The following DNAJC27 variants were observed in gnomAD, a reference collection of about 807,000 sequenced individuals.
DNAJC27 encodes the protein dnaJ homolog subfamily C member 27.
In DNAJC27, 25 loss-of-function variants were observed where a neutral mutation model predicts 31.4. The observed-to-expected ratio is 0.80, with a 90% CI of 0.58 to 1.11. The LOEUF (loss-of-function observed/expected upper bound fraction) is 1.11, where lower values mean the gene tolerates loss of function less well. Ranked by LOEUF, DNAJC27 falls within the 50% of genes most tolerant of loss-of-function variation. The pLI is 0.00. For missense variants in DNAJC27, 356 were observed against 347.3 expected, an observed-to-expected ratio of 1.02 and a Z score of -0.20; for synonymous variants, 106 against 112.7, an observed-to-expected ratio of 0.94 and a Z score of 0.37.
At chr2:24,965,782 G>A (rs187804328) in intron 2 of DNAJC27, among the ~76,000 whole-genome samples, 4 of 152,192 alleles carry the variant, frequency 2.6e-5, no homozygotes, top group East Asian at 1.9e-4. Flanking sequence ...TCACCTAATC[G>A]ACATTCTGCT....
At chr2:24,955,507 A>G (rs954477772) in intron 5 of DNAJC27, among the ~76,000 whole-genome samples, 3 of 152,236 alleles carry the variant, frequency 2.0e-5, no homozygotes, top group Admixed American at 1.3e-4. Flanking sequence ...AAATAATAGT[A>G]AAACAAAAAC....
rs148254267 is a variant in DNAJC27 at position 24,946,918 on chromosome 2, G to A, written c.*698C>T. ...GGCAAGGGAAAGGCCTCAGATCCAG[G>A]GACAGGATAGGCAGCAGCCAGTGTA... is the stretch of plus-strand genomic sequence containing the variant. On this transcript the variant is annotated 3_prime_UTR_variant, in exon 7 of 7. Transcript: ENST00000264711. 159 of 152,326 alleles carry A rather than the reference G, an allele frequency of 1.0e-3. 1 individual carries two copies. Among genetic ancestry groups the A allele is most frequent in the African/African-American group, 3.6e-3 (148 of 41,558 alleles). The allele number at this position is 152,326 out of a possible 1,614,324, so 9.4% of individuals were successfully genotyped here.
At chr2:24,952,925 TTTTC>T (rs1439627121) in intron 5 of DNAJC27, among the ~76,000 whole-genome samples, 1 of 152,174 alleles carries the variant, frequency 6.6e-6, no homozygotes, top group Non-Finnish European at 1.5e-5. Flanking sequence ...TTACAATTTT[TTTTC>T]TTTTTTTTGA....
In DNAJC27 at chr2:24,967,264, T is replaced by A. The variant is rs768303917; in HGVS notation, c.117A>T (p.Lys39Asn). The change falls in exon 2 of 7, where the codon AAA becomes AAT. Residue 39 changes from lysine (K) to asparagine (N), a missense_variant. Transcript: ENST00000264711. ...TTGCCAGGTATTTAGACACGAATCT[T>A]TTCTCACAGTATCGCTTTATAATAC... is the stretch of plus-strand genomic sequence containing the variant. ...KSCIIKRYCE[K>N]RFVSKYLATI... 4 of 1,613,724 alleles carry A rather than the reference T, an allele frequency of 2.5e-6. No homozygotes were observed. The South Asian group carries it at 4.4e-5, about 18-fold the overall frequency.
chr2:24,948,763 C>T (rs1039405214), intron 6 of DNAJC27, among the ~76,000 whole-genome samples: 6 of 152,172 alleles, frequency 3.9e-5, no homozygotes, highest in African/African-American at 1.4e-4. Context: ...TGTCAGGCCT[C>T]CCAGAGGGCT....
chr2:24,964,332 G>C (rs1666124070), intron 2 of DNAJC27, among the ~76,000 whole-genome samples: 1 of 150,350 alleles, frequency 6.7e-6, no homozygotes, highest in Non-Finnish European at 1.5e-5. Flanking sequence ...TGAGGCAGGA[G>C]AATGGCATGA....
rs765275307 is a variant in DNAJC27, at chr2:24,957,973, A to C, written c.242T>G (p.Val81Gly). Residue 81 changes from valine to glycine, a missense_variant and splice_region_variant, in exon 4 of 7, where the codon GTT (valine) becomes GGT (glycine). Transcript: ENST00000264711. ...TGTGTCCTTGTAAAACTCATTTCGA[A>C]CCTTCAAATAAAAGGACAGATACAC... ...DMAGHPFFYEVRNEFYKDTQG... is the reference protein window; with the variant it reads ...DMAGHPFFYEGRNEFYKDTQG... 2 of 1,609,640 alleles carry C rather than the reference A, an allele frequency of 1.2e-6. No individual in the cohort carries two copies. Among genetic ancestry groups the C allele is most frequent in the Non-Finnish European group, 1.7e-6 (2 of 1,177,998 alleles).
intron 3 of DNAJC27, 82 bp from the exon 4 acceptor site, chr2:24,958,056 G>T: frequency 1.5e-6 from 2 of 1,336,198 alleles, no homozygotes; most frequent in Non-Finnish European, 1.0e-6. Context: ...ACCTGGCAAA[G>T]TGTGTTCTTT....
chr2:24,960,258 C>T (rs937508232), intron 3 of DNAJC27, among the ~76,000 whole-genome samples: 2 of 152,054 alleles, frequency 1.3e-5, no homozygotes, highest in African/African-American at 2.4e-5. Context: ...TTTGGGATAC[C>T]ATGAACATAT....
At chr2:24,951,648 A>T in intron 5 of DNAJC27, 94 bp from the exon 6 acceptor site, 1 of 1,102,818 alleles carries the variant, frequency 9.1e-7, no homozygotes, top group South Asian at 1.9e-5. Context: ...AATATATTCC[A>T]GCAACTCTTA....
chr2:24,950,340 A>C (rs1665738558), intron 6 of DNAJC27, among the ~76,000 whole-genome samples: 1 of 152,128 alleles, frequency 6.6e-6, no homozygotes, highest in Admixed American at 6.5e-5. Context: ...CTTTTGTGAG[A>C]ATCAAGGTGA....
At chr2:24,947,830 T>C (rs1665683582) in intron 6 of DNAJC27, 82 bp from the exon 7 acceptor site, 1 of 1,455,332 alleles carries the variant, frequency 6.9e-7, no homozygotes, top group African/African-American at 1.4e-5. Context: ...ACACATAGTA[T>C]CTCTTACAGT....
At chr2:24,953,116 A>G (rs1665819897) in intron 5 of DNAJC27, among the ~76,000 whole-genome samples, 1 of 151,934 alleles carries the variant, frequency 6.6e-6, no homozygotes, top group Non-Finnish European at 1.5e-5. Context: ...TGTTCTGTGC[A>G]CTGTAATTAT....
intron 5 of DNAJC27, among the ~76,000 whole-genome samples, chr2:24,955,003 T>C (rs1237384512): frequency 3.9e-5 from 6 of 152,206 alleles, no homozygotes; most frequent in African/African-American, 1.2e-4. Flanking sequence ...TACAATGTGT[T>C]ATCCACAAGG....
At chr2:24,952,273 G>C (rs1199093435) in intron 5 of DNAJC27, among the ~76,000 whole-genome samples, 1 of 152,102 alleles carries the variant, frequency 6.6e-6, no homozygotes, top group Non-Finnish European at 1.5e-5. Flanking sequence ...CATCCTTCCA[G>C]AAAAATTTAC....
At chr2:24,959,087 A>C (rs1241326687) in intron 3 of DNAJC27, among the ~76,000 whole-genome samples, 1 of 152,162 alleles carries the variant, frequency 6.6e-6, no homozygotes, top group East Asian at 1.9e-4. Flanking sequence ...AATCAGAAAG[A>C]ACTGAAGATG....
chr2:24,962,897 G>T (rs1381152732), intron 3 of DNAJC27, among the ~76,000 whole-genome samples: 3 of 152,110 alleles, frequency 2.0e-5, no homozygotes, highest in African/African-American at 7.2e-5. Context: ...AAAGCCCAAG[G>T]AAGGAAAAAC....
Position 24,947,388 on chromosome 2 carries a change from T to C in DNAJC27, c.*228A>G. The C allele has an allele frequency of 2.4e-6, 1 of 424,672 alleles. No homozygotes were observed. The highest frequency in any genetic ancestry group is 4.2e-6 in the Non-Finnish European group (1 of 240,722). The allele number at this position is 424,672 out of a possible 1,614,324, so 26.3% of individuals were successfully genotyped here. On this transcript the variant is annotated 3_prime_UTR_variant, in exon 7 of 7. Transcript: ENST00000264711. ...AAAAAAATTCAGAATTATCTAGAAA[T>C]ATGAAATGAAGTACAGGGTGTGACG...
intron 2 of DNAJC27, among the ~76,000 whole-genome samples, chr2:24,964,375 T>TC (rs1666125240): frequency 1.4e-5 from 2 of 145,108 alleles, no homozygotes; most frequent in South Asian, 4.3e-4. Flanking sequence ...TGAGCCGAGA[T>TC]CACGCCACTG....
Sources: allele counts gnomAD v4.1 joint callset (sites outside exome capture counted in the v4.1 genomes callset), GRCh38; gene constraint gnomAD v4.1.1; transcripts MANE v1.5; gene names NCBI Gene and HGNC (gene_info 2026-07-23, HGNC 2026-07-21).